CATSPERB: variants seen among roughly 807,000 people sequenced by gnomAD.
The protein encoded by CATSPERB is catsper channel auxiliary subunit beta.
Under a neutral mutation model 128.3 loss-of-function variants are expected in CATSPERB, and 93 were observed. The observed-to-expected ratio is 0.72, with a 90% confidence interval of 0.61 to 0.86. CATSPERB has a LOEUF of 0.86. Ranked by LOEUF, CATSPERB falls within the 40% of genes least tolerant of loss-of-function variation. The pLI is 0.00. For missense variants in CATSPERB, 1,153 were observed against 1,329.5 expected, an observed-to-expected ratio of 0.87 and a Z score of 2.06; for synonymous variants, 381 against 448.8, an observed-to-expected ratio of 0.85 and a Z score of 1.91.
intron 14 of CATSPERB, among the ~76,000 whole-genome samples, chr14:91,669,157 G>A (rs536682950): frequency 6.6e-6 from 1 of 152,290 alleles, no homozygotes; most frequent in East Asian, 1.9e-4. Flanking sequence ...CCTAGAAACA[G>A]GGTATCATCT....
intron 8 of CATSPERB, 25 bp from the exon 9 acceptor site, chr14:91,693,269 A>AT (rs1344278768): frequency 1.3e-6 from 2 of 1,581,630 alleles, no homozygotes; most frequent in Admixed American, 1.7e-5. Context: ...CATACCATGG[A>AT]TTAAAAAGTA....
At chr14:91,633,906 C>G (rs1225327297) in intron 17 of CATSPERB, among the ~76,000 whole-genome samples, 3 of 151,714 alleles carry the variant, frequency 2.0e-5, no homozygotes, top group Non-Finnish European at 4.4e-5. Flanking sequence ...TTCTATTTAA[C>G]AAAGTATTGG....
intron 17 of CATSPERB, among the ~76,000 whole-genome samples, chr14:91,633,857 G>A (rs909752361): frequency 5.9e-5 from 9 of 151,928 alleles, no homozygotes; most frequent in Middle Eastern, 6.3e-3. Context: ...AAAAGAAAAA[G>A]AGAGAGAGAG....
chr14:91,622,789 T>C (rs1595151274), intron 18 of CATSPERB, among the ~76,000 whole-genome samples: 1 of 152,298 alleles, frequency 6.6e-6, no homozygotes, highest in East Asian at 1.9e-4. Context: ...GAGTTACCTT[T>C]ATTCACTGTC....
chr14:91,612,197 C>T (rs1416338717), intron 20 of CATSPERB, among the ~76,000 whole-genome samples: 1 of 152,048 alleles, frequency 6.6e-6, no homozygotes, highest in Non-Finnish European at 1.5e-5. Flanking sequence ...GTAGCTAGGA[C>T]TATAGATGTG....
chr14:91,704,788 T>C, intron 6 of CATSPERB, 87 bp from the exon 7 acceptor site: 1 of 1,374,668 alleles, frequency 7.3e-7, no homozygotes. Context: ...AAAAGAACTA[T>C]GTAAAGAAAC....
chr14:91,725,123 T>G lies in CATSPERB; in HGVS notation c.125A>C (p.Gln42Pro), dbSNP rs75748639. Residue 42 changes from glutamine to proline, a missense_variant, in exon 3 of 27, where the codon CAA (glutamine) becomes CCA (proline). Gln to Pro is a moderately conservative substitution (Grantham distance 76, BLOSUM62 -1). Transcript: ENST00000256343. ...ATACAACTTGATTATTTCATTCTCT[T>G]GAGGGAACCCTTTGTTAGAACATGC... is the stretch of plus-strand genomic sequence containing the variant. ...RFACSNKGFP[Q>P]ENEIIKLYLF... is the part of the protein sequence containing the mutation. 1 of 1,583,436 alleles carries G rather than the reference T, an allele frequency of 6.3e-7. No homozygotes were observed. The highest frequency in any genetic ancestry group is 1.2e-5 in the South Asian group (1 of 84,462).
At position 91,723,823 on chromosome 14, in the gene CATSPERB, G is replaced by A. The variant is rs369081513; in HGVS notation, c.169-634C>T. ...AACAGACAGAACTCTCTGCCCCTGTGGAATTAACATTCTAATGGAGATTGG... is the reference window on the plus strand; with the variant it reads ...AACAGACAGAACTCTCTGCCCCTGTAGAATTAACATTCTAATGGAGATTGG... On this transcript the variant is annotated intron_variant, in intron 3 of 26. Coordinates refer to ENST00000256343, the MANE Select transcript of CATSPERB (RefSeq NM_024764.4). Among the ~76,000 whole-genome samples, 5 of 142,388 alleles carry A rather than the reference G, an allele frequency of 3.5e-5. No homozygotes were observed. In the East Asian group the frequency reaches 1.0e-3, roughly 29 times the overall value. 93.4% of individuals were successfully genotyped at this position (142,388 alleles called of 152,430 possible).
chr14:91,631,509 C>CA (rs1278968438), intron 17 of CATSPERB, among the ~76,000 whole-genome samples: 1 of 152,010 alleles, frequency 6.6e-6, no homozygotes, highest in African/African-American at 2.4e-5. Context: ...ACTAAATATA[C>CA]AAAAAATTAG....
chr14:91,645,886 C>G (rs1171531265), intron 15 of CATSPERB, among the ~76,000 whole-genome samples: 1 of 149,384 alleles, frequency 6.7e-6, no homozygotes, highest in Non-Finnish European at 1.5e-5. Flanking sequence ...ACCCTCCGAG[C>G]CAGGTGTGGG....
chr14:91,723,104 C>T lies in CATSPERB; in HGVS notation c.254G>A (p.Ser85Asn). 1.3e-6 allele frequency: 2 copies of T among 1,551,944 alleles called. No individual in the cohort carries two copies. Among genetic ancestry groups the T allele is most frequent in the Non-Finnish European group, 1.7e-6 (2 of 1,148,996 alleles). ...ATATGTACTATTCATGATTCCCAAGCTGGGAGCAAGTCCTCCTGATGTGAA... is the reference window on the plus strand; with the variant it reads ...ATATGTACTATTCATGATTCCCAAGTTGGGAGCAAGTCCTCCTGATGTGAA... ...SVFTSGGLAP[S>N]LGIMNSTYNG... The change falls in exon 4 of 27, where the codon AGC becomes AAC. Residue 85 changes from serine (S) to asparagine (N), a missense_variant. Transcript: ENST00000256343.
At chr14:91,621,426 A>C (rs1233460018) in intron 19 of CATSPERB, among the ~76,000 whole-genome samples, 182 bp downstream of exon 19, 2 of 152,162 alleles carry the variant, frequency 1.3e-5, no homozygotes, top group Non-Finnish European at 2.9e-5. Context: ...ATAAAATAAT[A>C]GTTTAATATA....
At chr14:91,627,513 T>C (rs866189207) in intron 17 of CATSPERB, among the ~76,000 whole-genome samples, 1 of 152,128 alleles carries the variant, frequency 6.6e-6, no homozygotes. Flanking sequence ...AGTTAGAACA[T>C]GGGGCTTCAT....
chr14:91,691,918 C>T (rs1344541491), intron 9 of CATSPERB, among the ~76,000 whole-genome samples: 1 of 152,148 alleles, frequency 6.6e-6, no homozygotes, highest in Non-Finnish European at 1.5e-5. Flanking sequence ...GTGGCTCACA[C>T]CTGTAATCCT....
chr14:91,719,596 A>G (rs1326673310), intron 4 of CATSPERB, 118 bp from the exon 5 acceptor site: 3 of 647,358 alleles, frequency 4.6e-6, no homozygotes, highest in South Asian at 2.7e-5. Flanking sequence ...TATACCTTTT[A>G]CCTAGAAATT....
intron 7 of CATSPERB, among the ~76,000 whole-genome samples, chr14:91,698,366 T>C (rs191354349): frequency 5.8e-4 from 89 of 152,302 alleles, no homozygotes; most frequent in Admixed American, 2.1e-3. Context: ...CTCCTTCTCC[T>C]ATTTGGATGC....
At chr14:91,626,641 G>A (rs1380090130) in intron 17 of CATSPERB, among the ~76,000 whole-genome samples, 1 of 152,024 alleles carries the variant, frequency 6.6e-6, no homozygotes, top group Non-Finnish European at 1.5e-5. Flanking sequence ...GTGCTCACAT[G>A]TGCTCACCCT....
chr14:91,707,141 T>C (rs1365046283), intron 6 of CATSPERB, among the ~76,000 whole-genome samples: 1 of 152,172 alleles, frequency 6.6e-6, no homozygotes, highest in African/African-American at 2.4e-5. Context: ...CCTGCCAGCT[T>C]CTCCAAACTC....
chr14:91,723,584 G>C (rs1218132945), intron 3 of CATSPERB, among the ~76,000 whole-genome samples: 1 of 152,140 alleles, frequency 6.6e-6, no homozygotes, highest in Non-Finnish European at 1.5e-5. Context: ...TGAAAATGTA[G>C]CGATCAGAAA....
Sources: gnomAD v4.1 joint callset for allele counts (sites outside exome capture counted in the v4.1 genomes callset) on GRCh38, gnomAD v4.1.1 for gene constraint, MANE v1.5 for transcripts, NCBI Gene and HGNC (gene_info 2026-07-23, HGNC 2026-07-21) for gene names.